SCN1A: variants seen among roughly 807,000 people sequenced by gnomAD.
SCN1A encodes the protein sodium channel protein type 1 subunit alpha.
Under a neutral mutation model 193.7 loss-of-function variants are expected in SCN1A, and 13 were observed. The observed-to-expected ratio is 0.07, with a 90% CI of 0.04 to 0.11. SCN1A has a LOEUF of 0.11. SCN1A is among the 10% of genes least tolerant of loss of function. The probability of loss-of-function intolerance (pLI) is 1.00; values close to 1 mark genes in which losing one functional copy is unlikely to be tolerated. For missense variants in SCN1A, 1,432 were observed against 2,451.1 expected, an observed-to-expected ratio of 0.58 and a Z score of 8.78; for synonymous variants, 781 against 843.6, an observed-to-expected ratio of 0.93 and a Z score of 1.29.
At chr2:166,009,454 A>T in intron 23 of SCN1A, 3 of 246,376 alleles carry the variant, frequency 1.2e-5, no homozygotes, top group Non-Finnish European at 8.0e-6. Context: ...TTTTGTATAT[A>T]GATTTGTAAG....
chr2:166,082,028 T>C (rs1685583786), intron 2 of SCN1A, among the ~76,000 whole-genome samples: 1 of 152,048 alleles, frequency 6.6e-6, no homozygotes, highest in Non-Finnish European at 1.5e-5. Flanking sequence ...ACAGTGTTAG[T>C]CTATAATACA....
rs1037181163 is a variant in SCN1A, at chr2:166,088,776, C to A, written c.-141-10975G>T. Among the ~76,000 whole-genome samples the A allele has an allele frequency of 2.0e-5, 3 of 152,214 alleles. No homozygotes were observed. The East Asian group carries it at 5.8e-4, about 29-fold the overall frequency. ...GCCTAGAAGAGTACTTGATTTGTTG[C>A]GACAACTGTTGTTGTTCTCTAGGTA... On this transcript the variant is annotated intron_variant, in intron 2 of 28. Coordinates refer to ENST00000674923, the MANE Select transcript of SCN1A (RefSeq NM_001165963.4).
chr2:166,143,474 G>A (rs1692181874), intron 1 of SCN1A, among the ~76,000 whole-genome samples: 1 of 152,152 alleles, frequency 6.6e-6, no homozygotes, highest in African/African-American at 2.4e-5. Flanking sequence ...CCAGAACTCA[G>A]CATTTTTATC....
chr2:166,084,668 A>G (rs1450710551), intron 2 of SCN1A, among the ~76,000 whole-genome samples: 3 of 152,274 alleles, frequency 2.0e-5, no homozygotes, highest in African/African-American at 7.2e-5. Flanking sequence ...CTTTGGAAAT[A>G]TCTACTTTGA....
Position 166,103,602 on chromosome 2 carries a change from C to T in SCN1A, c.-142+23322G>A, listed in dbSNP as rs374114588. Among the ~76,000 whole-genome samples the T allele has an allele frequency of 5.3e-5, 8 of 152,078 alleles. No individual in the cohort carries two copies. The East Asian group carries it at 1.5e-3, about 29-fold the overall frequency. ...GGAGGGGGAAAAATGTTAAGAGAAG[C>T]TTCCTAAGTAGGTGAGAGCTGAAAT... On this transcript the variant is annotated intron_variant, in intron 2 of 28. Transcript: ENST00000674923.
At chr2:166,022,052 C>A (rs1008679546) in intron 19 of SCN1A, among the ~76,000 whole-genome samples, 1 of 151,902 alleles carries the variant, frequency 6.6e-6, no homozygotes, top group African/African-American at 2.4e-5. Flanking sequence ...ATAGCTGGAT[C>A]CCATTTCTAA....
chr2:166,119,565 A>C (rs1475482272), intron 2 of SCN1A, among the ~76,000 whole-genome samples: 3 of 152,152 alleles, frequency 2.0e-5, no homozygotes, highest in Non-Finnish European at 4.4e-5. Context: ...ATATAAGATA[A>C]ATTTCTTAAA....
chr2:166,128,095 G>A (rs1442044873), upstream of SCN1A: 1 of 144,154 alleles, frequency 6.9e-6, no homozygotes, highest in African/African-American at 2.6e-5. Context: ...ACATTACATC[G>A]CCATCTAGTG....
rs1226853038 is a variant in SCN1A, at chr2:166,058,163, C to T, written c.383+407G>A. Among the ~76,000 whole-genome samples, 5 of 152,012 alleles carry T rather than the reference C, an allele frequency of 3.3e-5. 1 individual carries two copies. Among genetic ancestry groups the T allele is most frequent in the African/African-American group, 1.2e-4 (5 of 41,406 alleles). On this transcript the variant is annotated intron_variant, in intron 5 of 28. Transcript: ENST00000674923. Reference sequence around the variant, plus strand: ...TAAGATACACTGAAGTGTTTTATATCATAACTATGGATAAACTTGAGTCTG... The same window carrying T: ...TAAGATACACTGAAGTGTTTTATATTATAACTATGGATAAACTTGAGTCTG...
At chr2:166,054,521 G>T in intron 7 of SCN1A, 117 bp downstream of exon 7, 1 of 1,062,572 alleles carries the variant, frequency 9.4e-7, no homozygotes, top group Non-Finnish European at 1.4e-6. Flanking sequence ...TCCAGAGTTT[G>T]AATGTATAAA....
At chr2:166,124,092 T>G (rs531735508) in intron 2 of SCN1A, among the ~76,000 whole-genome samples, 5 of 152,316 alleles carry the variant, frequency 3.3e-5, no homozygotes, top group African/African-American at 1.2e-4. Flanking sequence ...AGAACTTACA[T>G]TTACTGACAT....
chr2:166,037,705 G>A (rs2105804708), intron 18 of SCN1A, 71 bp downstream of exon 18: 1 of 1,322,640 alleles, frequency 7.6e-7, no homozygotes, highest in South Asian at 1.2e-5. Context: ...ACAATGTGCA[G>A]GTTAGTTACA....
At position 166,056,457 on chromosome 2, in the gene SCN1A, C is replaced by T; in HGVS notation, c.427G>A (p.Val143Met). 1 of 1,608,474 alleles carries T rather than the reference C, an allele frequency of 6.2e-7. No individual in the cohort carries two copies. ...GGAGGGTTACTCATTGTCATAAACA[C>T]ACAGTTTGTCAAAATAGTGCACATA... ...LIMCTILTNCVFMTMSNPPDW... is the reference protein window; with the variant it reads ...LIMCTILTNCMFMTMSNPPDW... The change falls in exon 6 of 29, where the codon GTG becomes ATG. Residue 143 changes from valine (V) to methionine (M), a missense_variant. Transcript: ENST00000674923.
intron 2 of SCN1A, among the ~76,000 whole-genome samples, chr2:166,111,994 T>A (rs1284885145): frequency 6.6e-6 from 1 of 152,148 alleles, no homozygotes; most frequent in Non-Finnish European, 1.5e-5. Flanking sequence ...TAGAACCTAC[T>A]CCTGGTGAAG....
At chr2:166,089,898 A>G (rs1455122301) in intron 2 of SCN1A, among the ~76,000 whole-genome samples, 1 of 151,752 alleles carries the variant, frequency 6.6e-6, no homozygotes, top group Non-Finnish European at 1.5e-5. Flanking sequence ...TTGATGTAAG[A>G]TTATCCTCAA....
chr2:166,135,799 T>G (rs1310608146), intron 1 of SCN1A, among the ~76,000 whole-genome samples: 2 of 152,174 alleles, frequency 1.3e-5, no homozygotes, highest in African/African-American at 4.8e-5. Flanking sequence ...TCGTGATTCC[T>G]TGGAAATTTT....
At chr2:166,039,747 T>G in intron 16 of SCN1A, 151 bp from the exon 17 acceptor site, 1 of 693,264 alleles carries the variant, frequency 1.4e-6, no homozygotes, top group Non-Finnish European at 2.5e-6. Flanking sequence ...GATGAAAGAC[T>G]TTCATATACA....
intron 15 of SCN1A, among the ~76,000 whole-genome samples, chr2:166,041,781 G>T (rs1033030171): frequency 6.6e-6 from 1 of 152,134 alleles, no homozygotes; most frequent in African/African-American, 2.4e-5. Context: ...GGTTTAGGGT[G>T]GTGTAGATAT....
intron 4 of SCN1A, 27 bp from the exon 5 acceptor site, chr2:166,058,715 G>C: frequency 8.1e-7 from 1 of 1,242,030 alleles, no homozygotes; most frequent in Non-Finnish European, 1.2e-6. Flanking sequence ...CAACATAGAA[G>C]TATGAAAGTA....
Sources: allele counts gnomAD v4.1 joint callset (sites outside exome capture counted in the v4.1 genomes callset), GRCh38; gene constraint gnomAD v4.1.1; transcripts MANE v1.5; gene names NCBI Gene and HGNC (gene_info 2026-07-23, HGNC 2026-07-21).